ELP4: variants seen among roughly 807,000 people sequenced by gnomAD.
The protein encoded by ELP4 is elongator acetyltransferase complex subunit 4, also known as elongator complex protein 4.
Under a neutral mutation model 48.9 loss-of-function variants are expected in ELP4, and 51 were observed. That is an observed-to-expected ratio of 1.04 (90% CI 0.83 to 1.32). The LOEUF (loss-of-function observed/expected upper bound fraction) is 1.32. Ranked by LOEUF, ELP4 falls within the 40% of genes most tolerant of loss-of-function variation. The probability of loss-of-function intolerance (pLI) is 0.00; values close to 1 mark genes in which losing one functional copy is unlikely to be tolerated. For synonymous variants in ELP4, 210 were observed against 189.2 expected, an observed-to-expected ratio of 1.11 and a Z score of -0.90; for missense variants, 519 against 514.6, an observed-to-expected ratio of 1.01 and a Z score of -0.08.
At chr11:31,662,573 T>C in intron 9 of ELP4, 1 of 398,000 alleles carries the variant, frequency 2.5e-6, no homozygotes, top group Non-Finnish European at 4.4e-6. Flanking sequence ...AAAGATATTT[T>C]CTGTCTCGTC....
At chr11:31,663,942 T>TTTGAAAATTATTTTTAA (rs1945616419) in intron 9 of ELP4, 1 of 152,110 alleles carries the variant, frequency 6.6e-6, no homozygotes, top group Non-Finnish European at 1.5e-5. Context: ...GTCCTTACCA[T>TTTGAAAATTATTTTTAA]TTGAAAATTA....
chr11:31,719,102 T>G (rs1291674790), intron 9 of ELP4, among the ~76,000 whole-genome samples: 2 of 151,874 alleles, frequency 1.3e-5, no homozygotes, highest in African/African-American at 2.4e-5. Context: ...CTACGCATAA[T>G]TTAAAAATTA....
At chr11:31,623,707 T>C (rs1234285170) in intron 5 of ELP4, among the ~76,000 whole-genome samples, 2 of 151,032 alleles carry the variant, frequency 1.3e-5, no homozygotes, top group Admixed American at 1.3e-4. Context: ...TCTTCCTTTT[T>C]ATTCTCATAT....
chr11:31,763,232 A>G (rs548027670), intron 9 of ELP4, among the ~76,000 whole-genome samples: 1 of 152,298 alleles, frequency 6.6e-6, no homozygotes, highest in African/African-American at 2.4e-5. Context: ...TCCAAATATA[A>G]GCCCTTTCCT....
At chr11:31,518,040 G>A (rs572871) in intron 1 of ELP4, among the ~76,000 whole-genome samples, 14,571 of 152,158 alleles carry the variant, frequency 0.096, 1,938 homozygotes, top group African/African-American at 0.29. Context: ...TTTTACAAAT[G>A]GAGTGAAGAG....
chr11:31,707,602 A>G (rs1013409415), intron 9 of ELP4, among the ~76,000 whole-genome samples: 3 of 152,036 alleles, frequency 2.0e-5, no homozygotes, highest in Non-Finnish European at 4.4e-5. Context: ...CTAATTTTAT[A>G]TTATTTTTCT....
intron 1 of ELP4, among the ~76,000 whole-genome samples, chr11:31,514,488 T>C (rs1956070211): frequency 6.6e-6 from 1 of 152,106 alleles, no homozygotes; most frequent in Non-Finnish European, 1.5e-5. Flanking sequence ...GCTTAGTGAC[T>C]TAGAAAGTGT....
rs187714007 is a variant in ELP4 at position 31,786,052 on chromosome 11, G to C, written c.*2528G>C. ...ACTACTGCAGTTTGCTCAGGTGCTC[G>C]GGTTCTAAGACTTTTTGAATTTCCT... On this transcript the variant is annotated 3_prime_UTR_variant, in exon 10 of 10. Coordinates refer to ENST00000640961, the MANE Select transcript of ELP4 (RefSeq NM_019040.5). 4.9e-6 allele frequency: 1 copy of C among 204,320 alleles called. No homozygotes were observed. The highest frequency in any genetic ancestry group is 5.9e-5 in the Admixed American group (1 of 16,814). 12.7% of individuals were successfully genotyped at this position (204,320 alleles called of 1,614,324 possible).
intron 6 of ELP4, among the ~76,000 whole-genome samples, chr11:31,631,752 A>G (rs996856696): frequency 2.6e-5 from 4 of 152,146 alleles, no homozygotes; most frequent in Admixed American, 2.6e-4. Context: ...ACAAAAAGTC[A>G]TATATCTTTA....
intron 3 of ELP4, among the ~76,000 whole-genome samples, chr11:31,548,182 G>C (rs896375653): frequency 4.6e-5 from 7 of 152,180 alleles, no homozygotes; most frequent in Non-Finnish European, 5.9e-5. Context: ...ATTAGGAAAA[G>C]AGGAAGTCAA....
chr11:31,573,326 C>T, intron 3 of ELP4, among the ~76,000 whole-genome samples: 1 of 152,186 alleles, frequency 6.6e-6, no homozygotes, highest in East Asian at 1.9e-4. Flanking sequence ...ATTCCAAAGA[C>T]ACTTCCACAC....
At chr11:31,651,818 T>G (rs900501950) in intron 9 of ELP4, 1 of 151,640 alleles carries the variant, frequency 6.6e-6, no homozygotes, top group Non-Finnish European at 1.5e-5. Flanking sequence ...CCTGTGAAAG[T>G]AAATATTGTA....
At chr11:31,587,967 T>G (rs1246166200) in intron 3 of ELP4, among the ~76,000 whole-genome samples, 1 of 152,174 alleles carries the variant, frequency 6.6e-6, no homozygotes, top group East Asian at 1.9e-4. Context: ...AGTTGAAGTC[T>G]TTTATTTTCC....
chr11:31,543,821 CTA>C (rs1415058511), intron 3 of ELP4, among the ~76,000 whole-genome samples: 1 of 152,118 alleles, frequency 6.6e-6, no homozygotes, highest in Non-Finnish European at 1.5e-5. Context: ...ATTCAGAATT[CTA>C]TACTCAGCAA....
Position 31,603,859 on chromosome 11 carries a change from G to C in ELP4, c.605G>C (p.Gly202Ala), listed in dbSNP as rs777540422. 6.2e-7 allele frequency: 1 copy of C among 1,611,802 alleles called. No individual in the cohort carries two copies. Among genetic ancestry groups the C allele is most frequent in the East Asian group, 2.2e-5 (1 of 44,696 alleles). ...QELIEASNWH[G>A]FFLPEKISST... ...CTAATTGAGGCTTCAAATTGGCATG[G>C]ATTTTTTCTTCCAGAGAAAATATCT... The change falls in exon 5 of 10, where the codon GGA (glycine) becomes GCA (alanine). Residue 202 changes from glycine to alanine, a missense_variant. By Grantham distance (60) the Gly-to-Ala change is moderately conservative. Transcript: ENST00000640961.
Position 31,788,866 on chromosome 11 carries a change from G to T in ELP4, c.*5342G>T, listed in dbSNP as rs11827725. 1.5e-5 allele frequency: 3 copies of T among 202,148 alleles called. No individual in the cohort carries two copies. 12.5% of individuals were successfully genotyped at this position (202,148 alleles called of 1,614,324 possible). A position where few individuals can be genotyped will look rare whatever the true frequency, so the allele number is the denominator to read the frequency against. On this transcript the variant is annotated 3_prime_UTR_variant, in exon 10 of 10. Transcript: ENST00000640961. Reference sequence around the variant, plus strand: ...GTGTGTGAAAGTAACCATTGGTTTAGAATGTTGATCTAACATGGAAATAAA... The same window carrying T: ...GTGTGTGAAAGTAACCATTGGTTTATAATGTTGATCTAACATGGAAATAAA...
At chr11:31,752,491 G>C (rs1947743060) in intron 9 of ELP4, among the ~76,000 whole-genome samples, 1 of 152,120 alleles carries the variant, frequency 6.6e-6, no homozygotes, top group South Asian at 2.1e-4. Context: ...ATTGTTACTA[G>C]AGATGCTAAC....
chr11:31,544,827 G>A (rs891719584), intron 3 of ELP4, among the ~76,000 whole-genome samples: 34 of 152,314 alleles, frequency 2.2e-4, no homozygotes, highest in Middle Eastern at 3.4e-3. Context: ...CGATCAGACA[G>A]CAGCATTCGC....
chr11:31,576,188 CAAAG>C (rs1282472738), intron 3 of ELP4, among the ~76,000 whole-genome samples: 1 of 152,140 alleles, frequency 6.6e-6, no homozygotes, highest in Non-Finnish European at 1.5e-5. Flanking sequence ...TCAGAAGAGA[CAAAG>C]AAGGCCATTG....
Sources: gnomAD v4.1 joint callset for allele counts (sites outside exome capture counted in the v4.1 genomes callset) on GRCh38, gnomAD v4.1.1 for gene constraint, MANE v1.5 for transcripts, NCBI Gene and HGNC (gene_info 2026-07-23, HGNC 2026-07-21) for gene names.